The following EYA3 variants were observed in gnomAD, a reference collection of about 807,000 sequenced individuals.
The protein encoded by EYA3 is protein phosphatase EYA3.
In EYA3, 39 loss-of-function variants were observed where a neutral mutation model predicts 80.0. That is an observed-to-expected ratio of 0.49 (90% CI 0.38 to 0.64). EYA3 has a LOEUF of 0.64. Among genes scored for constraint, EYA3 ranks in the 30% least tolerant of loss-of-function variants. EYA3 has a pLI of 0.00. For missense variants in EYA3, 523 were observed against 676.1 expected, an observed-to-expected ratio of 0.77 and a Z score of 2.51; for synonymous variants, 206 against 232.8, an observed-to-expected ratio of 0.88 and a Z score of 1.05.
chr1:28,029,146 CTTTTT>C (rs1642962716), intron 6 of EYA3, among the ~76,000 whole-genome samples: 1 of 152,056 alleles, frequency 6.6e-6, no homozygotes, highest in Non-Finnish European at 1.5e-5. Context: ...TTTTTATTTT[CTTTTT>C]ATCATAATGC....
At chr1:28,067,241 T>C (rs1329778872) in intron 1 of EYA3, among the ~76,000 whole-genome samples, 11 of 152,242 alleles carry the variant, frequency 7.2e-5, no homozygotes, top group Non-Finnish European at 1.3e-4. Context: ...AGTATAAGTT[T>C]GTTGTCTACA....
chr1:28,019,652 C>T lies in EYA3; in HGVS notation c.500-2413G>A, dbSNP rs551013325. On this transcript the variant is annotated intron_variant, in intron 7 of 17. Transcript: ENST00000373871. ...TTCTTCTGGCCCTGGTCCTGGCATA[C>T]AATCCTCTTTTTCACCTATTGATCT... 7.9e-5 allele frequency among the ~76,000 whole-genome samples: 12 copies of T among 152,230 alleles called. No homozygotes were observed. The South Asian group carries it at 2.3e-3, about 29-fold the overall frequency.
At chr1:28,039,659 G>A (rs1643662761) in intron 4 of EYA3, among the ~76,000 whole-genome samples, 1 of 152,178 alleles carries the variant, frequency 6.6e-6, no homozygotes, top group South Asian at 2.1e-4. Flanking sequence ...TTAACTTTAT[G>A]TCTAATTAGG....
intron 11 of EYA3, 73 bp downstream of exon 11, chr1:28,004,263 T>G (rs1641108959): frequency 9.6e-7 from 1 of 1,038,700 alleles, no homozygotes; most frequent in African/African-American, 1.6e-5. Context: ...AGAAATAATT[T>G]GTTATGTGTC....
chr1:27,996,762 T>A (rs1640488458), intron 13 of EYA3, among the ~76,000 whole-genome samples: 1 of 152,256 alleles, frequency 6.6e-6, no homozygotes, highest in Non-Finnish European at 1.5e-5. Context: ...TATAAGTCTT[T>A]AAGCTAGATA....
chr1:27,978,124 T>C (rs955282198), intron 17 of EYA3, among the ~76,000 whole-genome samples: 18 of 152,064 alleles, frequency 1.2e-4, no homozygotes, highest in Admixed American at 6.6e-5. Flanking sequence ...GGGATCCCTG[T>C]AGAAGGGCTT....
At chr1:28,078,307 C>T (rs1433712174) in intron 1 of EYA3, among the ~76,000 whole-genome samples, 1 of 152,024 alleles carries the variant, frequency 6.6e-6, no homozygotes, top group African/African-American at 2.4e-5. Flanking sequence ...ATCCAACACG[C>T]TACACAAGAA....
chr1:28,038,465 C>CAAAAAAAAAAAAAAAAAAAAAAAAAAA, intron 5 of EYA3, among the ~76,000 whole-genome samples: 1 of 105,880 alleles, frequency 9.4e-6, no homozygotes, highest in Non-Finnish European at 1.8e-5. Flanking sequence ...AAAAAAAAAA[C>CAAAAAAAAAAAAAAAAAAAAAAAAAAA]CGAACACAGA....
At chr1:27,993,613 G>GT in intron 13 of EYA3, 53 bp from the exon 14 acceptor site, 2 of 1,468,378 alleles carry the variant, frequency 1.4e-6, no homozygotes, top group Non-Finnish European at 1.8e-6. Flanking sequence ...TAAAGTTTTT[G>GT]TTTGAGTGCT....
At chr1:27,986,399 A>AT (rs111866821) in intron 16 of EYA3, among the ~76,000 whole-genome samples, 31,837 of 135,304 alleles carry the variant, frequency 0.24, 3,903 homozygotes, top group South Asian at 0.3. Flanking sequence ...CTCTCTTAAC[A>AT]TTTTTTTTTT....
At chr1:28,080,877 A>G (rs558425669) in intron 1 of EYA3, among the ~76,000 whole-genome samples, 5 of 151,668 alleles carry the variant, frequency 3.3e-5, no homozygotes, top group Non-Finnish European at 5.9e-5. Flanking sequence ...CAGCCTCCCA[A>G]GTAGCTGGGA....
At chr1:28,075,059 T>C (rs1013147764) in intron 1 of EYA3, among the ~76,000 whole-genome samples, 2 of 152,220 alleles carry the variant, frequency 1.3e-5, no homozygotes, top group Non-Finnish European at 2.9e-5. Flanking sequence ...CTACATGTGT[T>C]AGGGCATACC....
chr1:27,999,224 A>T (rs1026335652), intron 12 of EYA3, among the ~76,000 whole-genome samples: 1 of 152,218 alleles, frequency 6.6e-6, no homozygotes, highest in African/African-American at 2.4e-5. Flanking sequence ...CATAGATGGT[A>T]ATCAGTGTTG....
intron 1 of EYA3, among the ~76,000 whole-genome samples, chr1:28,067,260 A>T (rs1644865937): frequency 6.6e-6 from 1 of 152,236 alleles, no homozygotes. Context: ...CAGAAACGAA[A>T]AATGAGAAAC....
intron 1 of EYA3, among the ~76,000 whole-genome samples, chr1:28,081,795 T>C (rs2148956730): frequency 6.6e-6 from 1 of 152,320 alleles, no homozygotes; most frequent in South Asian, 2.1e-4. Context: ...ATTCCCGTAG[T>C]AACGGTGCTG....
rs1006261205 is a variant in EYA3 at position 28,013,442 on chromosome 1, T to A, written c.586-148A>T. On this transcript the variant is annotated intron_variant, in intron 8 of 17. Coordinates refer to ENST00000373871, the MANE Select transcript of EYA3 (RefSeq NM_001990.4). This position sits in a 1 kb window ranked among gnomAD's most constrained non-coding sequence, Gnocchi z 4.0. ...CATTTACCTACCTAAAAGTCTCCAA[T>A]CTAAATCAATGATTTTCAAAATGCA... The A allele has an allele frequency of 1.4e-6, 1 of 713,282 alleles. No individual in the cohort carries two copies. The highest frequency in any genetic ancestry group is 2.2e-6 in the Non-Finnish European group (1 of 460,702). 44.2% of individuals were successfully genotyped at this position (713,282 alleles called of 1,614,324 possible).
At chr1:28,005,606 T>G (rs1177516766) in intron 10 of EYA3, among the ~76,000 whole-genome samples, 1 of 151,890 alleles carries the variant, frequency 6.6e-6, no homozygotes, top group Admixed American at 6.6e-5. Context: ...TCCCAGCTAC[T>G]TGGGAGGCTG....
rs1639431626 is a variant in EYA3 at position 27,983,232 on chromosome 1, C to CTGTT, written c.1541-4759_1541-4758insAACA. On this transcript the variant is annotated intron_variant, in intron 16 of 17. Coordinates refer to ENST00000373871, the MANE Select transcript of EYA3 (RefSeq NM_001990.4). ...GGCACGGTTTCAATAAAAACTTACACAAACAGCCAGAGGGTAGGATTTAGC... is the reference window on the plus strand; with the variant it reads ...GGCACGGTTTCAATAAAAACTTACACTGTTAAACAGCCAGAGGGTAGGATTTAGC... 2.0e-5 allele frequency among the ~76,000 whole-genome samples: 3 copies of CTGTT among 152,298 alleles called. No individual in the cohort carries two copies. In the South Asian group the frequency reaches 6.2e-4, roughly 32 times the overall value.
Position 28,035,626 on chromosome 1 carries a change from C to A in EYA3, c.279G>T (p.Gln93His), listed in dbSNP as rs747464521. ...TCTGCTGTAGTGTCTGGTATTGAGT[C>A]TGTCCAGGGTAAGCAGTTTCCGAAA... Reference protein sequence around the residue: ...VPVSETAYPGQTQYQTLQQTQ... With the variant: ...VPVSETAYPGHTQYQTLQQTQ... Residue 93 changes from glutamine to histidine, a missense_variant, in exon 6 of 18, where the codon CAG (glutamine) becomes CAT (histidine). Gln to His is a conservative substitution (Grantham distance 24). Coordinates refer to ENST00000373871, the MANE Select transcript of EYA3 (RefSeq NM_001990.4). The A allele has an allele frequency of 1.2e-6, 2 of 1,614,122 alleles. No homozygotes were observed. The highest frequency in any genetic ancestry group is 1.1e-5 in the South Asian group (1 of 91,084).
Sources: gnomAD v4.1 joint callset for allele counts (sites outside exome capture counted in the v4.1 genomes callset) on GRCh38, gnomAD v4.1.1 for gene constraint, Gnocchi (gnomAD v3.1) non-coding constraint, MANE v1.5 for transcripts, NCBI Gene and HGNC (gene_info 2026-07-23, HGNC 2026-07-21) for gene names.